Variants in FYB2 observed in about 807,000 individuals in gnomAD.
FYB2 encodes FYN-binding protein 2.
Under a neutral mutation model 94.1 loss-of-function variants are expected in FYB2, and 103 were observed. That is an observed-to-expected ratio of 1.09 (90% CI 0.93 to 1.29). FYB2 has a LOEUF of 1.29. FYB2 is among the 50% of genes most tolerant of loss of function. The probability of loss-of-function intolerance (pLI) is 0.00; values close to 1 mark genes in which losing one functional copy is unlikely to be tolerated. For synonymous variants in FYB2, 293 were observed against 287.9 expected (o/e 1.02, Z -0.18); for missense variants, 896 against 841.5 (o/e 1.06, Z -0.80).
chr1:56,784,028 T>C (rs1173822412), intron 4 of FYB2, among the ~76,000 whole-genome samples: 1 of 152,142 alleles, frequency 6.6e-6, no homozygotes, highest in Non-Finnish European at 1.5e-5. Flanking sequence ...TAGTATGAGT[T>C]AGGTAATAAC....
At chr1:56,779,298 C>A (rs563604572) in intron 4 of FYB2, among the ~76,000 whole-genome samples, 5 of 152,100 alleles carry the variant, frequency 3.3e-5, no homozygotes, top group African/African-American at 9.6e-5. Context: ...ATATTTAATT[C>A]AAAAACTAAT....
chr1:56,799,075 C>G (rs928848136), intron 1 of FYB2, among the ~76,000 whole-genome samples: 3 of 152,114 alleles, frequency 2.0e-5, no homozygotes, highest in Non-Finnish European at 4.4e-5. Context: ...CTTAACAACA[C>G]TTATATATGA....
chr1:56,720,428 C>G, intron 17 of FYB2, 99 bp from the exon 18 acceptor site: 1 of 1,099,188 alleles, frequency 9.1e-7, no homozygotes, highest in South Asian at 2.1e-5. Flanking sequence ...AAAATTAACT[C>G]AAGATACTAT....
At chr1:56,795,654 A>G (rs1405038244) in intron 1 of FYB2, among the ~76,000 whole-genome samples, 3 of 151,670 alleles carry the variant, frequency 2.0e-5, no homozygotes, top group Non-Finnish European at 4.4e-5. Context: ...TTTTTTTACA[A>G]TAGCCATCCT....
chr1:56,771,577 C>G (rs762666795), intron 4 of FYB2, among the ~76,000 whole-genome samples: 6 of 152,040 alleles, frequency 3.9e-5, no homozygotes, highest in Non-Finnish European at 8.8e-5. Flanking sequence ...TGAGGTAGTT[C>G]CATTTGCTAT....
chr1:56,750,405 A>G (rs894352003), intron 9 of FYB2, among the ~76,000 whole-genome samples: 2 of 151,976 alleles, frequency 1.3e-5, no homozygotes, highest in African/African-American at 4.8e-5. Flanking sequence ...CTGAAAGGGT[A>G]GCAAAACCAG....
chr1:56,730,258 A>C (rs1644676398), intron 15 of FYB2, among the ~76,000 whole-genome samples: 1 of 150,276 alleles, frequency 6.7e-6, no homozygotes. Context: ...GAAAAGAAAC[A>C]AAATTGACAA....
intron 15 of FYB2, among the ~76,000 whole-genome samples, chr1:56,733,492 T>C (rs917622651): frequency 3.3e-5 from 5 of 152,148 alleles, no homozygotes; most frequent in African/African-American, 4.8e-5. Flanking sequence ...ATTTGTTTGC[T>C]CTTGTTTCTC....
Position 56,737,124 on chromosome 1 carries a change from T to C in FYB2, c.1756A>G (p.Ile586Val). 6.2e-7 allele frequency: 1 copy of C among 1,606,884 alleles called. No individual in the cohort carries two copies. The highest frequency in any genetic ancestry group is 8.5e-7 in the Non-Finnish European group (1 of 1,175,470). Reference sequence around the variant, plus strand: ...TCACTCAGGTCTACATCATCATAAATAATAACTTCCTGAGACTTAAGTTCT... The same window carrying C: ...TCACTCAGGTCTACATCATCATAAACAATAACTTCCTGAGACTTAAGTTCT... ...DLELKSQEVIIYDDVDLSEKE... is the reference protein window; with the variant it reads ...DLELKSQEVIVYDDVDLSEKE... The change falls in exon 15 of 20, where the codon ATT becomes GTT. Residue 586 changes from isoleucine to valine, a missense_variant. Coordinates refer to ENST00000343433, the MANE Select transcript of FYB2 (RefSeq NM_001004303.5).
At chr1:56,814,217 T>A (rs1299775422) in intron 1 of FYB2, among the ~76,000 whole-genome samples, 6 of 152,188 alleles carry the variant, frequency 3.9e-5, no homozygotes, top group Non-Finnish European at 8.8e-5. Context: ...GTGAGGAGGC[T>A]CGAGTTAGAG....
chr1:56,771,975 G>C (rs1196643480), intron 4 of FYB2, among the ~76,000 whole-genome samples: 1 of 151,224 alleles, frequency 6.6e-6, no homozygotes, highest in Non-Finnish European at 1.5e-5. Flanking sequence ...GTTTTCTTTT[G>C]TGTATATTCT....
At chr1:56,732,405 C>T (rs1303840983) in intron 15 of FYB2, among the ~76,000 whole-genome samples, 1 of 152,060 alleles carries the variant, frequency 6.6e-6, no homozygotes, top group East Asian at 1.9e-4. Flanking sequence ...ACCATATTAC[C>T]CAAGGCAATC....
intron 4 of FYB2, among the ~76,000 whole-genome samples, chr1:56,785,264 C>T (rs1646107470): frequency 6.6e-6 from 1 of 152,164 alleles, no homozygotes; most frequent in Non-Finnish European, 1.5e-5. Flanking sequence ...AAATGTGTAT[C>T]TAGTTAAACA....
chr1:56,772,862 G>C (rs779234675), intron 4 of FYB2, among the ~76,000 whole-genome samples: 1 of 152,184 alleles, frequency 6.6e-6, no homozygotes, highest in Non-Finnish European at 1.5e-5. Context: ...TAGTGTATTA[G>C]AGGACAGAAA....
rs142696169 is a variant in FYB2, at chr1:56,783,987, A to C, written c.953+3188T>G. The stretch of plus-strand genomic sequence containing the variant: ...TGCTAGGCCCTGCCCTAAACACTTC[A>C]AGATCATTATTTTATTTACCCTCAC... On this transcript the variant is annotated intron_variant, in intron 4 of 19. Transcript: ENST00000343433. Among the ~76,000 whole-genome samples, 218 of 152,302 alleles carry C rather than the reference A, an allele frequency of 1.4e-3. 1 individual carries two copies. The highest frequency in any genetic ancestry group is 5.1e-3 in the African/African-American group (212 of 41,570).
intron 1 of FYB2, among the ~76,000 whole-genome samples, chr1:56,802,553 T>C (rs111509096): frequency 0.015 from 2,309 of 152,268 alleles, 59 homozygotes; most frequent in African/African-American, 0.05. Flanking sequence ...GACACAGGCA[T>C]GGAGGTGTGC....
chr1:56,807,986 T>G (rs945897453), intron 1 of FYB2, among the ~76,000 whole-genome samples: 1 of 152,222 alleles, frequency 6.6e-6, no homozygotes, highest in Non-Finnish European at 1.5e-5. Context: ...GAGCTACTTA[T>G]GATTATTATT....
chr1:56,786,500 A>C (rs971380873), intron 4 of FYB2, among the ~76,000 whole-genome samples: 1 of 152,190 alleles, frequency 6.6e-6, no homozygotes, highest in Non-Finnish European at 1.5e-5. Context: ...TCCTTCTGAG[A>C]CTAACCTTTT....
chr1:56,782,708 A>C (rs1197860721), intron 4 of FYB2, among the ~76,000 whole-genome samples: 14 of 152,140 alleles, frequency 9.2e-5, no homozygotes, highest in Non-Finnish European at 2.1e-4. Context: ...AAGTGAAAAC[A>C]CAAAATTAAA....
Sources: gnomAD v4.1 joint callset for allele counts (sites outside exome capture counted in the v4.1 genomes callset) on GRCh38, gnomAD v4.1.1 for gene constraint, MANE v1.5 for transcripts, NCBI Gene and HGNC (gene_info 2026-07-23, HGNC 2026-07-21) for gene names.